The following COLEC12 variants were observed in gnomAD, a reference collection of about 807,000 sequenced individuals.
COLEC12 encodes collectin-12.
A neutral mutation model predicts 71.1 loss-of-function variants in COLEC12; 33 were observed. The observed-to-expected ratio is 0.46, with a 90% confidence interval of 0.35 to 0.62. The LOEUF is 0.62. COLEC12 is among the 20% of genes least tolerant of loss of function. The pLI is 0.00. For missense variants in COLEC12, 765 were observed against 916.1 expected, an observed-to-expected ratio of 0.84 and a Z score of 2.13; for synonymous variants, 350 against 353.0, an observed-to-expected ratio of 0.99 and a Z score of 0.10.
In COLEC12 at chr18:410,293, C is replaced by T. The variant is rs1397220470; in HGVS notation, c.59-52771G>A. Among the ~76,000 whole-genome samples, 4 of 152,250 alleles carry T rather than the reference C, an allele frequency of 2.6e-5. No homozygotes were observed. The East Asian group carries it at 7.7e-4, about 29-fold the overall frequency. The stretch of plus-strand genomic sequence containing the variant: ...TTCCACTTGTAGAAGATGAAGTGGA[C>T]ACACTTTTCCCCACTTCTCCTGCCA... On this transcript the variant is annotated intron_variant, in intron 2 of 9. Coordinates refer to ENST00000400256, the MANE Select transcript of COLEC12 (RefSeq NM_130386.3).
At position 445,709 on chromosome 18, in the gene COLEC12, T is replaced by G. The variant is rs113225039; in HGVS notation, c.58+34998A>C. ...TTGCAGTGGTGCAATCTTGGCTCAC[T>G]GCAACCTTCGCCACCTGGGCTCAAG... On this transcript the variant is annotated intron_variant, in intron 2 of 9. Coordinates refer to ENST00000400256, the MANE Select transcript of COLEC12 (RefSeq NM_130386.3). Among the ~76,000 whole-genome samples, 949 of 150,984 alleles carry G rather than the reference T, an allele frequency of 6.3e-3. 11 individuals carry two copies. The highest frequency in any genetic ancestry group is 0.022 in the African/African-American group (897 of 41,030).
chr18:370,607 AC>A (rs1398597182), intron 2 of COLEC12, among the ~76,000 whole-genome samples: 3 of 152,268 alleles, frequency 2.0e-5, no homozygotes, highest in African/African-American at 7.2e-5. Flanking sequence ...GGTTTAGAAC[AC>A]ACTGTGAGTT....
At chr18:343,765 A>C (rs1199675965) in intron 5 of COLEC12, among the ~76,000 whole-genome samples, 1 of 152,202 alleles carries the variant, frequency 6.6e-6, no homozygotes, top group African/African-American at 2.4e-5. Flanking sequence ...TGTAAACCTC[A>C]GCAAGTTACT....
rs184424080 is a variant in COLEC12, at chr18:427,366, G to A, written c.58+53341C>T. 1.1e-3 allele frequency among the ~76,000 whole-genome samples: 175 copies of A among 152,294 alleles called. 2 individuals are homozygous for A. The highest frequency in any genetic ancestry group is 1.8e-3 in the Non-Finnish European group (120 of 68,018). ...GTGACTCCCAGCAAGCGAGGTGAGC[G>A]TCCTATGTGGGCCGTAGGGAGAGAA... On this transcript the variant is annotated intron_variant, in intron 2 of 9. Coordinates refer to ENST00000400256, the MANE Select transcript of COLEC12 (RefSeq NM_130386.3).
chr18:430,769 G>A (rs1385785489), intron 2 of COLEC12, among the ~76,000 whole-genome samples: 1 of 151,990 alleles, frequency 6.6e-6, no homozygotes, highest in Non-Finnish European at 1.5e-5. Flanking sequence ...GTAAAGCCAT[G>A]GTCATATGAA....
At chr18:333,376 T>C (rs1914028865) in intron 6 of COLEC12, 1 of 421,118 alleles carries the variant, frequency 2.4e-6, no homozygotes, top group Non-Finnish European at 4.2e-6. Context: ...GACTGGGTCT[T>C]TGTTCTTCTG....
intron 6 of COLEC12, 190 bp downstream of exon 6, chr18:334,552 C>T (rs934375684): frequency 5.8e-5 from 24 of 411,838 alleles, no homozygotes; most frequent in African/African-American, 8.2e-5. Context: ...CACTTGAACC[C>T]GGGATGTGGA....
At chr18:377,321 G>A (rs1029904127) in intron 2 of COLEC12, among the ~76,000 whole-genome samples, 3 of 152,220 alleles carry the variant, frequency 2.0e-5, no homozygotes, top group African/African-American at 7.2e-5. Flanking sequence ...CGGCACGTGT[G>A]AGCCCGAGGG....
chr18:368,734 CG>C (rs1914920825), intron 2 of COLEC12, among the ~76,000 whole-genome samples: 1 of 152,030 alleles, frequency 6.6e-6, no homozygotes. Context: ...GGCGTGGTGG[CG>C]GGCGCCTGTA....
intron 2 of COLEC12, among the ~76,000 whole-genome samples, chr18:400,074 G>T (rs1915650932): frequency 6.6e-6 from 1 of 152,160 alleles, no homozygotes; most frequent in Non-Finnish European, 1.5e-5. Flanking sequence ...ATCTCCATTT[G>T]TATCTCCAGT....
chr18:455,809 C>T (rs1477979811), intron 2 of COLEC12, among the ~76,000 whole-genome samples: 1 of 152,092 alleles, frequency 6.6e-6, no homozygotes, highest in Non-Finnish European at 1.5e-5. Context: ...CGTCCATGTC[C>T]CTGCAAAGAC....
At chr18:438,171 T>C (rs1567907874) in intron 2 of COLEC12, among the ~76,000 whole-genome samples, 1 of 152,162 alleles carries the variant, frequency 6.6e-6, no homozygotes. Context: ...CTATTGGATA[T>C]AAAAAAGTAG....
At chr18:336,307 T>C (rs1395792966) in intron 5 of COLEC12, among the ~76,000 whole-genome samples, 1 of 152,174 alleles carries the variant, frequency 6.6e-6, no homozygotes, top group Non-Finnish European at 1.5e-5. Context: ...CTGCCCATTG[T>C]GGACAGGTGT....
intron 1 of COLEC12, among the ~76,000 whole-genome samples, chr18:485,939 T>C (rs908658368): frequency 1.6e-4 from 24 of 152,344 alleles, no homozygotes; most frequent in African/African-American, 4.8e-4. Flanking sequence ...CTCATCACAT[T>C]GTACCCTCAA....
chr18:470,129 A>G (rs7236255), intron 2 of COLEC12, among the ~76,000 whole-genome samples: 122,073 of 151,822 alleles, frequency 0.8, 49,339 homozygotes, highest in East Asian at 0.98. Flanking sequence ...ATTATATCTT[A>G]ATATTTTTTA....
Position 425,514 on chromosome 18 carries a change from C to A in COLEC12, c.58+55193G>T, listed in dbSNP as rs866977511. On this transcript the variant is annotated intron_variant, in intron 2 of 9. Coordinates refer to ENST00000400256, the MANE Select transcript of COLEC12 (RefSeq NM_130386.3). The stretch of plus-strand genomic sequence containing the variant: ...CCAATTCCTGCAAATTCCTGAGAGT[C>A]CCCCCAGGCTGATGAAATGAGTCTC... Among the ~76,000 whole-genome samples, 37 of 152,256 alleles carry A rather than the reference C, an allele frequency of 2.4e-4. No homozygotes were observed. In the South Asian group the frequency reaches 5.6e-3, roughly 23 times the overall value.
intron 2 of COLEC12, among the ~76,000 whole-genome samples, chr18:427,380 G>A (rs572499435): frequency 7.2e-5 from 11 of 152,320 alleles, no homozygotes; most frequent in African/African-American, 2.2e-4. Context: ...TATGTGGGCC[G>A]TAGGGAGAGA....
At chr18:425,219 T>C (rs1164737531) in intron 2 of COLEC12, among the ~76,000 whole-genome samples, 1 of 152,178 alleles carries the variant, frequency 6.6e-6, no homozygotes, top group Non-Finnish European at 1.5e-5. Flanking sequence ...CTCAAACCCG[T>C]GAGTTGCAGT....
At chr18:426,700 A>G (rs561412892) in intron 2 of COLEC12, among the ~76,000 whole-genome samples, 1 of 152,258 alleles carries the variant, frequency 6.6e-6, no homozygotes, top group East Asian at 1.9e-4. Flanking sequence ...AAAAATAATA[A>G]CTCTTTAATA....
Sources: gnomAD v4.1 joint callset for allele counts (sites outside exome capture counted in the v4.1 genomes callset) on GRCh38, gnomAD v4.1.1 for gene constraint, MANE v1.5 for transcripts, NCBI Gene and HGNC (gene_info 2026-07-23, HGNC 2026-07-21) for gene names.